SLC24A2: variants seen among roughly 807,000 people sequenced by gnomAD.
SLC24A2 encodes the protein sodium/potassium/calcium exchanger 2.
In SLC24A2, 36 loss-of-function variants were observed where a neutral mutation model predicts 62.0. That is an observed-to-expected ratio of 0.58 (90% CI 0.44 to 0.77). The LOEUF is 0.77. SLC24A2 is among the 30% of genes least tolerant of loss of function. The pLI is 0.00. For missense variants in SLC24A2, 846 were observed against 817.9 expected (o/e 1.03, Z -0.42); for synonymous variants, 358 against 294.0 (o/e 1.22, Z -2.23).
chr9:19,928,869 A>C, the SLC24A2 span: 1 of 152,210 alleles, frequency 6.6e-6, no homozygotes, highest in Non-Finnish European at 1.5e-5. Flanking sequence ...CACAGAAAAA[A>C]GGACCCTTCC....
the SLC24A2 span, among the ~76,000 whole-genome samples, chr9:20,154,627 C>T: frequency 7.1e-6 from 1 of 141,096 alleles, no homozygotes; most frequent in African/African-American, 2.7e-5. Context: ...AGATTCTTTG[C>T]CAACTCAGTG....
At chr9:19,806,443 G>C in the SLC24A2 span, among the ~76,000 whole-genome samples, 1 of 152,134 alleles carries the variant, frequency 6.6e-6, no homozygotes, top group African/African-American at 2.4e-5. Context: ...TATATAGACA[G>C]GTTTAGGGAA....
At chr9:19,859,473 T>A in the SLC24A2 span, among the ~76,000 whole-genome samples, 1 of 151,836 alleles carries the variant, frequency 6.6e-6, no homozygotes, top group Non-Finnish European at 1.5e-5. Context: ...GCAACAAACG[T>A]GCACGTGTAT....
At chr9:19,574,282 G>T (rs1160965317) in intron 6 of SLC24A2, among the ~76,000 whole-genome samples, 1 of 152,194 alleles carries the variant, frequency 6.6e-6, no homozygotes, top group East Asian at 1.9e-4. Context: ...CAAAGGCTGT[G>T]TCATTCCTGA....
the SLC24A2 span, among the ~76,000 whole-genome samples, chr9:20,145,925 A>T: frequency 8.6e-4 from 96 of 112,124 alleles, 1 homozygote; most frequent in African/African-American, 3.2e-3. Flanking sequence ...TTATATTAAC[A>T]TTTTATTTTG....
the SLC24A2 span, among the ~76,000 whole-genome samples, chr9:19,919,142 G>A: frequency 6.6e-6 from 1 of 152,148 alleles, no homozygotes; most frequent in African/African-American, 2.4e-5. Flanking sequence ...CTTGCTTCGG[G>A]GAAATGACTT....
chr9:20,158,362 G>A, the SLC24A2 span, among the ~76,000 whole-genome samples: 1 of 151,664 alleles, frequency 6.6e-6, no homozygotes, highest in Non-Finnish European at 1.5e-5. Flanking sequence ...GGAGCCTTTA[G>A]TAGGTGATTA....
the SLC24A2 span, among the ~76,000 whole-genome samples, chr9:20,232,067 G>T: frequency 2.6e-5 from 4 of 152,168 alleles, no homozygotes; most frequent in Non-Finnish European, 4.4e-5. Flanking sequence ...AACCAGCCTT[G>T]CATCCCAGGG....
intron 2 of SLC24A2, among the ~76,000 whole-genome samples, chr9:19,678,082 G>C (rs72702443): frequency 2.7e-4 from 41 of 152,226 alleles, no homozygotes; most frequent in Non-Finnish European, 5.3e-4. Context: ...CAACCCCTTT[G>C]AGTCTCTTTC....
chr9:19,512,685 C>T lies in SLC24A2; in HGVS notation c.*3468G>A, dbSNP rs1209106443. 1 of 152,158 alleles carries T rather than the reference C, an allele frequency of 6.6e-6. No homozygotes were observed. Among genetic ancestry groups the T allele is most frequent in the Non-Finnish European group, 1.5e-5 (1 of 68,032 alleles). 9.4% of individuals were successfully genotyped at this position (152,158 alleles called of 1,614,324 possible). A position where few individuals can be genotyped will look rare whatever the true frequency, so the allele number is the denominator to read the frequency against. On this transcript the variant is annotated 3_prime_UTR_variant, in exon 11 of 11. Coordinates refer to ENST00000341998, the MANE Select transcript of SLC24A2 (RefSeq NM_020344.4). ...GGGTAGGCGGTGACAGCAAGCAAGA[C>T]CTGCTCGGTTTGCTGTGAATAAATG...
the SLC24A2 span, among the ~76,000 whole-genome samples, chr9:20,216,166 T>G: frequency 6.6e-6 from 1 of 152,228 alleles, no homozygotes; most frequent in African/African-American, 2.4e-5. Context: ...TGCCTTGGGC[T>G]GTCAGTCTAA....
At chr9:20,147,033 A>G in the SLC24A2 span, among the ~76,000 whole-genome samples, 4 of 152,184 alleles carry the variant, frequency 2.6e-5, no homozygotes, top group East Asian at 1.9e-4. Context: ...ACAACCCCCT[A>G]TGAGCTGGCC....
chr9:20,022,141 A>G, the SLC24A2 span, among the ~76,000 whole-genome samples: 1 of 152,164 alleles, frequency 6.6e-6, no homozygotes, highest in Non-Finnish European at 1.5e-5. Context: ...ACTACTGCTT[A>G]TGTCTTTCTG....
intron 2 of SLC24A2, chr9:19,705,369 G>T (rs1442205539): frequency 1.3e-5 from 2 of 157,774 alleles, no homozygotes; most frequent in South Asian, 1.8e-4. Context: ...AACCACCTGT[G>T]GGTATTGAAC....
chr9:19,793,925 T>C (rs1485806921), upstream of SLC24A2, among the ~76,000 whole-genome samples: 1 of 152,236 alleles, frequency 6.6e-6, no homozygotes, highest in Non-Finnish European at 1.5e-5. Context: ...TATCAAAATA[T>C]CCTGATGTTC....
chr9:19,941,769 T>C, the SLC24A2 span, among the ~76,000 whole-genome samples: 1 of 152,142 alleles, frequency 6.6e-6, no homozygotes, highest in Non-Finnish European at 1.5e-5. Flanking sequence ...AACACGATAC[T>C]GGATTATTAG....
intron 2 of SLC24A2, among the ~76,000 whole-genome samples, chr9:19,703,814 T>C (rs540712016): frequency 1.4e-3 from 207 of 152,330 alleles, no homozygotes; most frequent in African/African-American, 4.8e-3. Context: ...TTATGTGCTA[T>C]GAAGTATGTA....
At chr9:19,882,662 G>GT in the SLC24A2 span, among the ~76,000 whole-genome samples, 13 of 116,212 alleles carry the variant, frequency 1.1e-4, no homozygotes, top group African/African-American at 4.0e-4. Context: ...GGATCTACAG[G>GT]TTAAAAAAAA....
chr9:20,220,841 C>T, the SLC24A2 span, among the ~76,000 whole-genome samples: 1 of 152,088 alleles, frequency 6.6e-6, no homozygotes, highest in Non-Finnish European at 1.5e-5. Context: ...CCTCACCTAC[C>T]TAAACGAAAA....
Sources: gnomAD v4.1 joint callset for allele counts (sites outside exome capture counted in the v4.1 genomes callset) on GRCh38, gnomAD v4.1.1 for gene constraint, MANE v1.5 for transcripts, NCBI Gene and HGNC (gene_info 2026-07-23, HGNC 2026-07-21) for gene names.